PRKN: variants seen among roughly 807,000 people sequenced by gnomAD.
The protein encoded by PRKN is parkin RBR E3 ubiquitin protein ligase.
In PRKN, 56 loss-of-function variants were observed where a neutral mutation model predicts 59.5. The observed-to-expected ratio is 0.94, with a 90% CI of 0.76 to 1.18. The LOEUF is 1.18. Ranked by LOEUF, PRKN falls within the 50% of genes most tolerant of loss-of-function variation. PRKN has a pLI of 0.00. For synonymous variants in PRKN, 250 were observed against 222.1 expected (o/e 1.13, Z -1.12); for missense variants, 657 against 596.4 (o/e 1.10, Z -1.06).
At chr6:161,620,403 G>C (rs1329863069) in intron 7 of PRKN, among the ~76,000 whole-genome samples, 1 of 152,110 alleles carries the variant, frequency 6.6e-6, no homozygotes, top group Non-Finnish European at 1.5e-5. Context: ...CCATTCTCAG[G>C]AAAATGAATG....
At chr6:161,384,028 G>A (rs572597681) in intron 10 of PRKN, among the ~76,000 whole-genome samples, 2 of 152,226 alleles carry the variant, frequency 1.3e-5, no homozygotes, top group South Asian at 2.1e-4. Context: ...CTCCTGGGGG[G>A]GTCTAACTGC....
chr6:162,133,847 T>C (rs1408141622), intron 4 of PRKN, among the ~76,000 whole-genome samples: 1 of 152,036 alleles, frequency 6.6e-6, no homozygotes, highest in African/African-American at 2.4e-5. Context: ...TGGAGTCGTT[T>C]TGAAGAGTGG....
intron 2 of PRKN, among the ~76,000 whole-genome samples, chr6:162,383,351 G>C (rs1562719107): frequency 6.6e-6 from 1 of 152,194 alleles, no homozygotes; most frequent in Non-Finnish European, 1.5e-5. Flanking sequence ...ATGTTAGCAA[G>C]CATGAAAACA....
chr6:161,674,527 A>G (rs1396183712), intron 7 of PRKN, among the ~76,000 whole-genome samples: 2 of 152,160 alleles, frequency 1.3e-5, no homozygotes, highest in African/African-American at 2.4e-5. Context: ...AATGTATCAT[A>G]CAATTGACAG....
At chr6:162,588,590 C>T (rs1450948483) in intron 1 of PRKN, among the ~76,000 whole-genome samples, 2 of 151,904 alleles carry the variant, frequency 1.3e-5, no homozygotes, top group South Asian at 2.1e-4. Flanking sequence ...CTGGCTCAGT[C>T]GCCCAGGCTG....
At chr6:161,940,281 CAA>C (rs5881443) in intron 6 of PRKN, among the ~76,000 whole-genome samples, 38 of 148,010 alleles carry the variant, frequency 2.6e-4, no homozygotes, top group Admixed American at 6.1e-4. Flanking sequence ...AAAAATATAG[CAA>C]AAAAAAAAAG....
intron 1 of PRKN, among the ~76,000 whole-genome samples, chr6:162,585,001 A>C (rs1402407657): frequency 6.7e-6 from 1 of 149,864 alleles, no homozygotes; most frequent in East Asian, 2.0e-4. Context: ...CCTGGGTTCA[A>C]GTGATTCTCC....
intron 5 of PRKN, among the ~76,000 whole-genome samples, chr6:162,050,798 G>C (rs1027757355): frequency 3.3e-5 from 5 of 152,056 alleles, no homozygotes; most frequent in Admixed American, 3.3e-4. Flanking sequence ...TCGAGCCCTC[G>C]CTGGGACTTG....
intron 10 of PRKN, among the ~76,000 whole-genome samples, chr6:161,364,707 G>A (rs1394639289): frequency 2.6e-5 from 4 of 151,874 alleles, no homozygotes; most frequent in East Asian, 1.9e-4. Context: ...AGCACTTTGC[G>A]AGGCCAAGGC....
At chr6:162,642,633 A>G (rs911110146) in intron 1 of PRKN, among the ~76,000 whole-genome samples, 1 of 151,954 alleles carries the variant, frequency 6.6e-6, no homozygotes, top group African/African-American at 2.4e-5. Flanking sequence ...TCGAAAACTC[A>G]GACTAAGTAG....
At chr6:161,625,231 C>T (rs1169773370) in intron 7 of PRKN, among the ~76,000 whole-genome samples, 4 of 152,056 alleles carry the variant, frequency 2.6e-5, no homozygotes, top group Non-Finnish European at 5.9e-5. Context: ...TACTATGCAG[C>T]CATAAAAAAG....
intron 3 of PRKN, among the ~76,000 whole-genome samples, chr6:162,213,862 T>C (rs1408734748): frequency 1.5e-5 from 2 of 131,424 alleles, no homozygotes; most frequent in South Asian, 5.0e-4. Flanking sequence ...CACACACATA[T>C]GAATAGTAAG....
intron 6 of PRKN, among the ~76,000 whole-genome samples, chr6:161,823,682 C>T (rs1357570563): frequency 6.6e-6 from 1 of 152,178 alleles, no homozygotes; most frequent in African/African-American, 2.4e-5. Flanking sequence ...CCACATTTGG[C>T]AAGTCAGGTT....
rs1455524865 is a variant in PRKN at position 161,423,441 on chromosome 6, C to T, written c.1084-36564G>A. ...CACCTGAATTTTATGGGGGAACCTT[C>T]TGCACGTATTCATGCATGAAGAACA... is the stretch of plus-strand genomic sequence containing the variant. On this transcript the variant is annotated intron_variant, in intron 9 of 11. Coordinates refer to ENST00000366898, the MANE Select transcript of PRKN (RefSeq NM_004562.3). This position sits in a 1 kb window ranked among gnomAD's most constrained non-coding sequence, Gnocchi z 5.9. Among the ~76,000 whole-genome samples the T allele has an allele frequency of 1.3e-5, 2 of 152,202 alleles. No individual in the cohort carries two copies. Among genetic ancestry groups the T allele is most frequent in the African/African-American group, 2.4e-5 (1 of 41,444 alleles).
chr6:162,357,289 G>A (rs1479464226), intron 2 of PRKN, among the ~76,000 whole-genome samples: 3 of 152,054 alleles, frequency 2.0e-5, no homozygotes, highest in Non-Finnish European at 4.4e-5. Context: ...ACATAAGTAA[G>A]GGACCCATTT....
At chr6:162,332,918 T>C (rs1783651582) in intron 2 of PRKN, among the ~76,000 whole-genome samples, 1 of 152,180 alleles carries the variant, frequency 6.6e-6, no homozygotes, top group South Asian at 2.1e-4. Context: ...ATTATTTCTA[T>C]GAAATTTTTT....
chr6:161,950,876 T>C (rs1321110250), intron 6 of PRKN, among the ~76,000 whole-genome samples: 1 of 150,662 alleles, frequency 6.6e-6, no homozygotes, highest in Non-Finnish European at 1.5e-5. Flanking sequence ...GAAGAGGGAG[T>C]TTCAGGAGAA....
chr6:161,855,616 C>G (rs1793619080), intron 6 of PRKN, among the ~76,000 whole-genome samples: 1 of 151,990 alleles, frequency 6.6e-6, no homozygotes, highest in African/African-American at 2.4e-5. Context: ...CAATGTTATG[C>G]TATAGGGTAA....
At chr6:161,613,243 C>A (rs546340532) in intron 7 of PRKN, among the ~76,000 whole-genome samples, 287 of 152,186 alleles carry the variant, frequency 1.9e-3, no homozygotes, top group African/African-American at 6.5e-3. Flanking sequence ...GGAAATAACT[C>A]AGATGTATTG....
Sources: gnomAD v4.1 joint callset for allele counts (sites outside exome capture counted in the v4.1 genomes callset) on GRCh38, gnomAD v4.1.1 for gene constraint, Gnocchi (gnomAD v3.1) non-coding constraint, MANE v1.5 for transcripts, NCBI Gene and HGNC (gene_info 2026-07-23, HGNC 2026-07-21) for gene names.